The following TRAPPC9 variants were observed in gnomAD, a reference collection of about 807,000 sequenced individuals.
The protein encoded by TRAPPC9 is trafficking protein particle complex subunit 9, also known as IKK2 binding protein.
In TRAPPC9, 83 loss-of-function variants were observed where a neutral mutation model predicts 124.0. The ratio of observed to expected loss-of-function variants is 0.67; its 90% confidence interval spans 0.56 to 0.80. TRAPPC9 has a LOEUF of 0.80. Ranked by LOEUF, TRAPPC9 falls within the 30% of genes least tolerant of loss-of-function variation. TRAPPC9 has a pLI of 0.00. For missense variants in TRAPPC9, 1,302 were observed against 1,508.3 expected (o/e 0.86, Z 2.27); for synonymous variants, 638 against 617.5 (o/e 1.03, Z -0.49).
chr8:140,193,323 C>T (rs1256102947), intron 17 of TRAPPC9, among the ~76,000 whole-genome samples: 2 of 152,186 alleles, frequency 1.3e-5, no homozygotes, highest in African/African-American at 4.8e-5. Context: ...GGCCTAGATT[C>T]TTGCAGATCT....
At chr8:140,357,873 A>C (rs992825112) in intron 9 of TRAPPC9, among the ~76,000 whole-genome samples, 2 of 152,178 alleles carry the variant, frequency 1.3e-5, no homozygotes, top group Non-Finnish European at 1.5e-5. Flanking sequence ...CAGCCCCAAA[A>C]GCAACAGCGA....
intron 2 of TRAPPC9, among the ~76,000 whole-genome samples, chr8:140,442,071 T>A (rs193159981): frequency 1.3e-5 from 2 of 152,288 alleles, no homozygotes; most frequent in East Asian, 1.9e-4. Flanking sequence ...CATCTTCACA[T>A]GAACTTCACA....
chr8:139,794,425 A>T (rs979084026), intron 21 of TRAPPC9, among the ~76,000 whole-genome samples: 4 of 152,168 alleles, frequency 2.6e-5, no homozygotes, highest in Admixed American at 2.0e-4. Flanking sequence ...GTGCCAGAAA[A>T]AGGGGACTCC....
intron 17 of TRAPPC9, among the ~76,000 whole-genome samples, chr8:140,138,317 A>G (rs2061335627): frequency 6.6e-6 from 1 of 152,096 alleles, no homozygotes; most frequent in Non-Finnish European, 1.5e-5. Flanking sequence ...ATAAATAAAT[A>G]AATGTAAAAA....
At chr8:140,166,047 C>T (rs947499056) in intron 17 of TRAPPC9, among the ~76,000 whole-genome samples, 3 of 152,166 alleles carry the variant, frequency 2.0e-5, no homozygotes, top group South Asian at 2.1e-4. Flanking sequence ...CTGCATGCAC[C>T]GCAGCACACT....
At chr8:140,080,098 G>T (rs765983447) in intron 17 of TRAPPC9, among the ~76,000 whole-genome samples, 1 of 152,182 alleles carries the variant, frequency 6.6e-6, no homozygotes, top group Non-Finnish European at 1.5e-5. Flanking sequence ...AAAAGGCCAA[G>T]ATTCCCAAGA....
chr8:140,444,068 C>T (rs992489212), intron 2 of TRAPPC9, among the ~76,000 whole-genome samples: 5 of 146,092 alleles, frequency 3.4e-5, no homozygotes, highest in East Asian at 4.0e-4. Flanking sequence ...AAAGATTAGC[C>T]GGGCATGGTG....
At chr8:140,037,501 C>G (rs1183236375) in intron 17 of TRAPPC9, among the ~76,000 whole-genome samples, 1 of 152,078 alleles carries the variant, frequency 6.6e-6, no homozygotes, top group Non-Finnish European at 1.5e-5. Flanking sequence ...ACAGTTCAGA[C>G]CTCAGCATAG....
At chr8:140,325,254 T>A (rs2066706491) in intron 9 of TRAPPC9, among the ~76,000 whole-genome samples, 1 of 151,372 alleles carries the variant, frequency 6.6e-6, no homozygotes, top group South Asian at 2.1e-4. Flanking sequence ...AAAACAAAGG[T>A]CCCAAACCAA....
At chr8:140,174,936 T>C (rs906598947) in intron 17 of TRAPPC9, among the ~76,000 whole-genome samples, 2 of 152,046 alleles carry the variant, frequency 1.3e-5, no homozygotes, top group African/African-American at 4.8e-5. Flanking sequence ...AGGGTGGAAA[T>C]GTGGGCTCAT....
At position 140,048,906 on chromosome 8, in the gene TRAPPC9, T is replaced by C. The variant is rs569691108; in HGVS notation, c.2557-24827A>G. On this transcript the variant is annotated intron_variant, in intron 17 of 22. Coordinates refer to ENST00000438773, the MANE Select transcript of TRAPPC9 (RefSeq NM_001160372.4). ...CCACCCCTCTAGTCGAAGGCAGGAATCAGGTGTCATTAATCTTTATACCCT... is the reference window on the plus strand; with the variant it reads ...CCACCCCTCTAGTCGAAGGCAGGAACCAGGTGTCATTAATCTTTATACCCT... Among the ~76,000 whole-genome samples the C allele has an allele frequency of 2.6e-5, 4 of 152,264 alleles. No individual in the cohort carries two copies. The South Asian group carries it at 8.3e-4, about 32-fold the overall frequency.
chr8:140,265,902 T>G (rs1247418587), intron 15 of TRAPPC9, among the ~76,000 whole-genome samples: 2 of 152,192 alleles, frequency 1.3e-5, no homozygotes, highest in Non-Finnish European at 2.9e-5. Context: ...ATTTATGAAT[T>G]TTTAATTATA....
At chr8:140,116,229 G>C (rs1208217668) in intron 17 of TRAPPC9, among the ~76,000 whole-genome samples, 1 of 152,196 alleles carries the variant, frequency 6.6e-6, no homozygotes, top group East Asian at 1.9e-4. Flanking sequence ...TTAAAGTAGG[G>C]TGAGATGTGA....
chr8:140,443,779 G>A (rs998348720), intron 2 of TRAPPC9, among the ~76,000 whole-genome samples: 1 of 152,090 alleles, frequency 6.6e-6, no homozygotes, highest in South Asian at 2.1e-4. Flanking sequence ...GCTCACGCCT[G>A]TAATACCAGC....
intron 6 of TRAPPC9, among the ~76,000 whole-genome samples, chr8:140,404,995 T>C (rs1281827601): frequency 6.6e-6 from 1 of 151,514 alleles, no homozygotes; most frequent in African/African-American, 2.4e-5. Context: ...TTGTTGATAA[T>C]AAACCAAGTT....
chr8:139,915,293 C>T (rs1174186695), intron 19 of TRAPPC9, among the ~76,000 whole-genome samples: 2 of 152,188 alleles, frequency 1.3e-5, no homozygotes, highest in African/African-American at 4.8e-5. Flanking sequence ...GTTGGCCAGG[C>T]TGGAGTACAG....
chr8:139,978,337 A>G (rs980300124), intron 19 of TRAPPC9, among the ~76,000 whole-genome samples: 8 of 152,264 alleles, frequency 5.3e-5, no homozygotes, highest in Non-Finnish European at 1.2e-4. Context: ...TTCTGATGCA[A>G]ACCAATGTTA....
chr8:140,105,781 G>A (rs1167585044), intron 17 of TRAPPC9, among the ~76,000 whole-genome samples: 1 of 152,064 alleles, frequency 6.6e-6, no homozygotes, highest in Non-Finnish European at 1.5e-5. Flanking sequence ...CACCCTGTGG[G>A]GGGAGGCTCC....
At chr8:139,732,247 G>C in intron 21 of TRAPPC9, 45 bp from the exon 22 acceptor site, 1 of 1,499,000 alleles carries the variant, frequency 6.7e-7, no homozygotes, top group Non-Finnish European at 8.9e-7. Context: ...GGCCTGCACG[G>C]CCCAGCCGGC....
Sources: gnomAD v4.1 joint callset for allele counts (sites outside exome capture counted in the v4.1 genomes callset) on GRCh38, gnomAD v4.1.1 for gene constraint, MANE v1.5 for transcripts, NCBI Gene and HGNC (gene_info 2026-07-23, HGNC 2026-07-21) for gene names.